Variants in IL19 observed in about 807,000 individuals in gnomAD.
IL19 encodes interleukin 19, also known as interleukin-19.
A neutral mutation model predicts 19.5 loss-of-function variants in IL19; 15 were observed. The ratio of observed to expected loss-of-function variants is 0.77; its 90% CI spans 0.52 to 1.19. The LOEUF is 1.19. Among genes scored for constraint, IL19 ranks in the 50% most tolerant of loss-of-function variants. The pLI, the probability that IL19 is intolerant of heterozygous loss-of-function variation, is 0.00. For synonymous variants in IL19, 78 were observed against 78.3 expected (o/e 1.00, Z 0.02); for missense variants, 199 against 213.1 (o/e 0.93, Z 0.41).
chr1:206,839,245 C>A lies in IL19; in HGVS notation c.211-605C>A, dbSNP rs554821627. 8.5e-5 allele frequency among the ~76,000 whole-genome samples: 13 copies of A among 152,368 alleles called. No homozygotes were observed. In the South Asian group the frequency reaches 2.7e-3, roughly 32 times the overall value. ...TTTCTGCAGCTGTCGGTCTCTCTTGCAAATCTCAGCCTCATTCCAATGACC... is the reference window on the plus strand; with the variant it reads ...TTTCTGCAGCTGTCGGTCTCTCTTGAAAATCTCAGCCTCATTCCAATGACC... On this transcript the variant is annotated intron_variant, in intron 4 of 6. Transcript: ENST00000659997.
chr1:206,794,005 C>A (rs1208587753), intron 1 of IL19, among the ~76,000 whole-genome samples: 3 of 152,138 alleles, frequency 2.0e-5, no homozygotes, highest in Non-Finnish European at 4.4e-5. Flanking sequence ...AGTTAGAGAC[C>A]ACCACTTAAT....
intron 1 of IL19, among the ~76,000 whole-genome samples, chr1:206,791,767 C>G (rs759369160): frequency 6.6e-6 from 1 of 152,232 alleles, no homozygotes; most frequent in Admixed American, 6.5e-5. Context: ...TTCTCCTCCC[C>G]CTGTAAAAGC....
intron 1 of IL19, among the ~76,000 whole-genome samples, chr1:206,797,719 G>A (rs1429098960): frequency 6.6e-6 from 1 of 152,170 alleles, no homozygotes; most frequent in Non-Finnish European, 1.5e-5. Context: ...AAGGAGGACA[G>A]CAGCTGGCCA....
At chr1:206,831,845 A>G (rs1467576516) in intron 2 of IL19, among the ~76,000 whole-genome samples, 1 of 152,222 alleles carries the variant, frequency 6.6e-6, no homozygotes, top group Non-Finnish European at 1.5e-5. Flanking sequence ...AGCTATAAAC[A>G]CATCACTTAT....
intron 1 of IL19, among the ~76,000 whole-genome samples, chr1:206,796,256 ACTGGCAGGGGCAAT>A (rs1270596376): frequency 1.3e-5 from 2 of 152,144 alleles, no homozygotes; most frequent in African/African-American, 2.4e-5. Context: ...GCCCACTTAC[ACTGGCAGGGGCAAT>A]CTGCTTCACT....
intron 1 of IL19, among the ~76,000 whole-genome samples, chr1:206,775,958 T>C (rs1267153529): frequency 6.6e-6 from 1 of 152,226 alleles, no homozygotes; most frequent in Non-Finnish European, 1.5e-5. Context: ...GAGTCCAGTT[T>C]GCCCTCAAGC....
intron 2 of IL19, among the ~76,000 whole-genome samples, chr1:206,808,338 T>C (rs10863859): frequency 0.59 from 89,335 of 152,032 alleles, 27,177 homozygotes; most frequent in East Asian, 0.91. Context: ...TAAACAAAAA[T>C]AAACAACAAC....
intron 2 of IL19, chr1:206,834,319 A>G: frequency 1.0e-6 from 1 of 985,648 alleles, no homozygotes; most frequent in Non-Finnish European, 1.2e-6. Context: ...TATCCACCTG[A>G]ATAAAAATGA....
chr1:206,827,811 ATGAAGCCCTGGAG>A (rs1676477184), intron 2 of IL19, among the ~76,000 whole-genome samples: 1 of 152,188 alleles, frequency 6.6e-6, no homozygotes, highest in African/African-American at 2.4e-5. Context: ...GTCTGGTGTA[ATGAAGCCCTGGAG>A]TGGGCTGCCT....
rs1676940162 is a variant in IL19, at chr1:206,839,862, T to A, written c.223T>A (p.Cys75Ser). The change falls in exon 5 of 7, where the codon TGC (cysteine) becomes AGC (serine). Residue 75 changes from cysteine to serine, a missense_variant. Transcript: ENST00000659997. ...TLQIIKPLDV[C>S]CVTKNLLAFY... ...TTTGTGTTTGTAGCCCTTAGATGTG[T>A]GCTGCGTGACCAAGAACCTCCTGGC... The A allele has an allele frequency of 6.2e-7, 1 of 1,613,666 alleles. No homozygotes were observed. The highest frequency in any genetic ancestry group is 8.5e-7 in the Non-Finnish European group (1 of 1,179,772).
At chr1:206,786,522 C>T (rs927475120) in intron 1 of IL19, among the ~76,000 whole-genome samples, 6 of 152,278 alleles carry the variant, frequency 3.9e-5, no homozygotes, top group African/African-American at 1.4e-4. Context: ...CTTCTGGTCA[C>T]TGTGACCATA....
chr1:206,773,341 T>C (rs1250449321), intron 1 of IL19, among the ~76,000 whole-genome samples: 1 of 152,242 alleles, frequency 6.6e-6, no homozygotes, highest in African/African-American at 2.4e-5. Context: ...TTTGGTTTCC[T>C]CACCCTACTG....
chr1:206,808,093 G>A (rs540245524), intron 2 of IL19, among the ~76,000 whole-genome samples: 2 of 152,354 alleles, frequency 1.3e-5, no homozygotes, highest in Admixed American at 6.5e-5. Flanking sequence ...CACTTTGGGA[G>A]GCTGAGGCAG....
intron 2 of IL19, among the ~76,000 whole-genome samples, chr1:206,821,632 A>G (rs755751755): frequency 2.0e-5 from 3 of 152,224 alleles, no homozygotes; most frequent in Non-Finnish European, 4.4e-5. Flanking sequence ...TCCCTGCTCT[A>G]GCACCATTAG....
chr1:206,791,857 A>G (rs935045667), intron 1 of IL19, among the ~76,000 whole-genome samples: 1 of 152,198 alleles, frequency 6.6e-6, no homozygotes, highest in African/African-American at 2.4e-5. Flanking sequence ...TCCCAGAAAA[A>G]GACTTGTAGT....
intron 2 of IL19, chr1:206,833,835 T>G: frequency 1.0e-6 from 1 of 985,552 alleles, no homozygotes; most frequent in African/African-American, 1.7e-5. Flanking sequence ...GTGTTCCTCA[T>G]GAAGTTCAAC....
intron 1 of IL19, among the ~76,000 whole-genome samples, chr1:206,781,439 GA>G (rs1273966156): frequency 5.8e-4 from 63 of 109,238 alleles, no homozygotes; most frequent in Admixed American, 1.8e-3. Context: ...AAAAAAAAAA[GA>G]AAAAAAAAGA....
At chr1:206,829,871 T>C (rs1676542405) in intron 2 of IL19, among the ~76,000 whole-genome samples, 1 of 151,984 alleles carries the variant, frequency 6.6e-6, no homozygotes, top group African/African-American at 2.4e-5. Context: ...AAGATCCCTG[T>C]GGGCAAAAAA....
Position 206,839,859 on chromosome 1 carries a change from G to A in IL19, c.220G>A (p.Val74Met), listed in dbSNP as rs1345003758. Residue 74 changes from valine to methionine, a missense_variant, in exon 5 of 7, where the codon GTG becomes ATG. Transcript: ENST00000659997. ...TAATTTGTGTTTGTAGCCCTTAGATGTGTGCTGCGTGACCAAGAACCTCCT... is the reference window on the plus strand; with the variant it reads ...TAATTTGTGTTTGTAGCCCTTAGATATGTGCTGCGTGACCAAGAACCTCCT... ...ETLQIIKPLDVCCVTKNLLAF... is the reference protein window; with the variant it reads ...ETLQIIKPLDMCCVTKNLLAF... 1 of 1,613,366 alleles carries A rather than the reference G, an allele frequency of 6.2e-7. No individual in the cohort carries two copies. The highest frequency in any genetic ancestry group is 1.3e-5 in the African/African-American group (1 of 74,920).
Sources: allele counts gnomAD v4.1 joint callset (sites outside exome capture counted in the v4.1 genomes callset), GRCh38; gene constraint gnomAD v4.1.1; transcripts MANE v1.5; gene names NCBI Gene and HGNC (gene_info 2026-07-23, HGNC 2026-07-21).